DISC1: variants seen among roughly 807,000 people sequenced by gnomAD.
DISC1 encodes the protein disrupted in schizophrenia 1 protein.
Under a neutral mutation model 84.5 loss-of-function variants are expected in DISC1, and 57 were observed. The observed-to-expected ratio is 0.67, with a 90% CI of 0.55 to 0.84. The LOEUF (loss-of-function observed/expected upper bound fraction) is 0.84, where lower values mean the gene tolerates loss of function less well. Ranked by LOEUF, DISC1 falls within the 40% of genes least tolerant of loss-of-function variation. The probability of loss-of-function intolerance (pLI) is 0.00; values close to 1 mark genes in which losing one functional copy is unlikely to be tolerated. For synonymous variants in DISC1, 411 were observed against 415.2 expected, an observed-to-expected ratio of 0.99 and a Z score of 0.12; for missense variants, 1,000 against 1,057.8, an observed-to-expected ratio of 0.95 and a Z score of 0.76.
chr1:231,805,872 AT>A (rs914304332), intron 8 of DISC1, among the ~76,000 whole-genome samples: 1 of 152,182 alleles, frequency 6.6e-6, no homozygotes, highest in Non-Finnish European at 1.5e-5. Flanking sequence ...GGGCAGAGAG[AT>A]TTCTCAGTTT....
intron 10 of DISC1, among the ~76,000 whole-genome samples, chr1:231,987,638 T>TCCCAGG (rs1316504387): frequency 2.9e-4 from 44 of 152,186 alleles, no homozygotes; most frequent in African/African-American, 1.0e-3. Context: ...AGGACCCAGG[T>TCCCAGG]ACCTGGGACT....
chr1:232,023,455 T>A (rs958395777), intron 11 of DISC1, among the ~76,000 whole-genome samples: 1 of 152,214 alleles, frequency 6.6e-6, no homozygotes, highest in Non-Finnish European at 1.5e-5. Flanking sequence ...TTATTTCAAT[T>A]TAAATGAACA....
chr1:231,932,455 G>A (rs1448176351), intron 9 of DISC1, among the ~76,000 whole-genome samples: 1 of 152,172 alleles, frequency 6.6e-6, no homozygotes, highest in East Asian at 1.9e-4. Flanking sequence ...TAATCCTCAT[G>A]ATAACCTAAC....
chr1:231,927,590 T>C (rs1283902755), intron 9 of DISC1, among the ~76,000 whole-genome samples: 3 of 152,218 alleles, frequency 2.0e-5, no homozygotes. Flanking sequence ...TCCCTGCTCC[T>C]GGGTTGCCCT....
chr1:231,976,940 G>A (rs1662892524), intron 10 of DISC1, among the ~76,000 whole-genome samples: 4 of 152,116 alleles, frequency 2.6e-5, no homozygotes, highest in Admixed American at 2.6e-4. Context: ...ATTATGTGCT[G>A]TATGCCTCCC....
chr1:231,701,680 A>G (rs986882106), intron 2 of DISC1, among the ~76,000 whole-genome samples: 1 of 152,222 alleles, frequency 6.6e-6, no homozygotes, highest in Admixed American at 6.5e-5. Context: ...CTTCATGCAG[A>G]TGAGGGCACA....
intron 9 of DISC1, chr1:231,819,258 A>G (rs1010137693): frequency 4.2e-5 from 29 of 683,934 alleles, no homozygotes; most frequent in Non-Finnish European, 5.1e-5. Flanking sequence ...AAGTATGCTT[A>G]TTTAAGAAGA....
At chr1:231,964,623 C>G (rs1388860900) in intron 10 of DISC1, among the ~76,000 whole-genome samples, 1 of 152,202 alleles carries the variant, frequency 6.6e-6, no homozygotes, top group African/African-American at 2.4e-5. Flanking sequence ...CTGCAAAAGC[C>G]TGGTGACCAT....
At chr1:232,013,193 T>G (rs1452363572) in intron 11 of DISC1, among the ~76,000 whole-genome samples, 1 of 152,162 alleles carries the variant, frequency 6.6e-6, no homozygotes, top group Non-Finnish European at 1.5e-5. Flanking sequence ...TCCATTGCTT[T>G]TTCTACATAA....
chr1:231,758,798 C>T (rs986673535), intron 4 of DISC1, among the ~76,000 whole-genome samples: 12 of 152,186 alleles, frequency 7.9e-5, no homozygotes, highest in African/African-American at 2.7e-4. Context: ...AGATAATTTT[C>T]TCATGAATAC....
At chr1:231,875,557 G>A (rs1277480183) in intron 9 of DISC1, among the ~76,000 whole-genome samples, 5 of 152,152 alleles carry the variant, frequency 3.3e-5, no homozygotes, top group Non-Finnish European at 7.3e-5. Context: ...TGACCTCACT[G>A]TTTTCTCATC....
chr1:231,685,876 G>A (rs1429279916), intron 1 of DISC1, among the ~76,000 whole-genome samples: 1 of 152,198 alleles, frequency 6.6e-6, no homozygotes, highest in Non-Finnish European at 1.5e-5. Context: ...TACAATGGGG[G>A]TACCAGTATT....
At chr1:231,806,785 C>T (rs2079756865) in intron 8 of DISC1, among the ~76,000 whole-genome samples, 1 of 152,266 alleles carries the variant, frequency 6.6e-6, no homozygotes, top group Admixed American at 6.5e-5. Flanking sequence ...ACTGAACGCT[C>T]CCGCCCTCTG....
intron 2 of DISC1, among the ~76,000 whole-genome samples, chr1:231,696,210 G>T (rs1402163621): frequency 6.6e-6 from 1 of 152,142 alleles, no homozygotes; most frequent in African/African-American, 2.4e-5. Context: ...CACCATGGCC[G>T]CTGCCCTGGC....
chr1:231,885,515 C>T (rs1006696971), intron 9 of DISC1, among the ~76,000 whole-genome samples: 3 of 152,260 alleles, frequency 2.0e-5, no homozygotes, highest in Admixed American at 1.3e-4. Flanking sequence ...GTAGCCTGTT[C>T]GAAGCAACCC....
chr1:232,038,518 T>C lies in DISC1; in HGVS notation c.*1687T>C, dbSNP rs966030668. The C allele has an allele frequency of 6.6e-6, 1 of 152,166 alleles. No individual in the cohort carries two copies. The highest frequency in any genetic ancestry group is 1.5e-5 in the Non-Finnish European group (1 of 68,042). 9.4% of individuals were successfully genotyped at this position (152,166 alleles called of 1,614,324 possible). On this transcript the variant is annotated 3_prime_UTR_variant, in exon 13 of 13. Coordinates refer to ENST00000439617, the MANE Select transcript of DISC1 (RefSeq NM_018662.3). ...GCATATTAGTCTGAGAGAGAACTTA[T>C]AGTAAGGAAACTCACTTGATTTTAT...
chr1:231,842,395 C>T (rs926050814), intron 9 of DISC1, among the ~76,000 whole-genome samples: 4 of 152,324 alleles, frequency 2.6e-5, no homozygotes, highest in Non-Finnish European at 1.5e-5. Context: ...TGAGTTAGAA[C>T]TCCATTTCAA....
intron 9 of DISC1, among the ~76,000 whole-genome samples, chr1:231,886,239 C>A (rs2086671246): frequency 6.6e-6 from 1 of 152,144 alleles, no homozygotes; most frequent in Non-Finnish European, 1.5e-5. Context: ...ACATTGAAAC[C>A]ATAGCACTCC....
intron 1 of DISC1, among the ~76,000 whole-genome samples, chr1:231,642,884 GT>G (rs1298122533): frequency 6.6e-6 from 1 of 152,156 alleles, no homozygotes; most frequent in African/African-American, 2.4e-5. Context: ...CTTCTCAGGT[GT>G]TTTAGCTCCA....
Sources: allele counts gnomAD v4.1 joint callset (sites outside exome capture counted in the v4.1 genomes callset), GRCh38; gene constraint gnomAD v4.1.1; transcripts MANE v1.5; gene names NCBI Gene and HGNC (gene_info 2026-07-23, HGNC 2026-07-21).